Variants in DLG2 observed in about 807,000 individuals in gnomAD.
DLG2 encodes discs large MAGUK scaffold protein 2, also known as disks large homolog 2.
In DLG2, 45 loss-of-function variants were observed where a neutral mutation model predicts 132.5. That is an observed-to-expected ratio of 0.34 (90% CI 0.27 to 0.44). DLG2 has a LOEUF of 0.44. Ranked by LOEUF, DLG2 falls within the 20% of genes least tolerant of loss-of-function variation. The probability of loss-of-function intolerance (pLI) is 1.00; values close to 1 mark genes in which losing one functional copy is unlikely to be tolerated. For synonymous variants in DLG2, 424 were observed against 419.6 expected (o/e 1.01, Z -0.13); for missense variants, 1,045 against 1,196.9 (o/e 0.87, Z 1.87).
chr11:84,703,874 A>ATATATATATG (rs2059479568), intron 6 of DLG2, among the ~76,000 whole-genome samples: 1 of 124,292 alleles, frequency 8.0e-6, no homozygotes, highest in Admixed American at 7.9e-5. Flanking sequence ...ATATATATAT[A>ATATATATATG]TATATATATA....
chr11:85,036,387 T>C (rs1430385549), intron 6 of DLG2, among the ~76,000 whole-genome samples: 1 of 152,196 alleles, frequency 6.6e-6, no homozygotes, highest in Non-Finnish European at 1.5e-5. Flanking sequence ...ATTTCATCTG[T>C]CTGTTCACTG....
chr11:84,296,591 A>G (rs867981101), intron 7 of DLG2, among the ~76,000 whole-genome samples: 139 of 152,100 alleles, frequency 9.1e-4, no homozygotes, highest in African/African-American at 3.1e-3. Flanking sequence ...GGTGTATACC[A>G]CCATGCCTGG....
chr11:84,674,585 T>G (rs913296986), intron 6 of DLG2, among the ~76,000 whole-genome samples: 5 of 152,072 alleles, frequency 3.3e-5, no homozygotes, highest in African/African-American at 1.2e-4. Flanking sequence ...AAAACTGAAC[T>G]TCAATCATCA....
intron 11 of DLG2, among the ~76,000 whole-genome samples, chr11:84,004,942 AG>A: frequency 2.1e-5 from 1 of 48,736 alleles, no homozygotes; most frequent in African/African-American, 5.4e-5. Flanking sequence ...AAATTTATAT[AG>A]AATCAAAAAA....
chr11:85,159,786 A>G (rs1043739632), intron 4 of DLG2, among the ~76,000 whole-genome samples: 2 of 152,150 alleles, frequency 1.3e-5, no homozygotes, highest in Non-Finnish European at 2.9e-5. Flanking sequence ...TCAACAATAG[A>G]CCTTTACTGT....
intron 6 of DLG2, among the ~76,000 whole-genome samples, chr11:84,703,590 T>C (rs1262033673): frequency 1.3e-5 from 2 of 151,348 alleles, no homozygotes; most frequent in Non-Finnish European, 3.0e-5. Flanking sequence ...CACTAAACTA[T>C]AGTTTTCTCA....
intron 3 of DLG2, among the ~76,000 whole-genome samples, chr11:85,360,598 C>A (rs1354262928): frequency 1.3e-5 from 2 of 152,206 alleles, no homozygotes; most frequent in East Asian, 3.8e-4. Flanking sequence ...TTAGTTTGGT[C>A]TGATCTTCTC....
intron 6 of DLG2, among the ~76,000 whole-genome samples, chr11:84,858,544 A>T (rs372456483): frequency 1.3e-5 from 2 of 152,162 alleles, no homozygotes. Context: ...CAATTGTCTC[A>T]TATCTTATTT....
intron 7 of DLG2, among the ~76,000 whole-genome samples, chr11:84,427,341 C>A (rs972278379): frequency 1.3e-5 from 2 of 152,192 alleles, no homozygotes; most frequent in Non-Finnish European, 2.9e-5. Flanking sequence ...ATCATAAACC[C>A]ATGAAAAGGT....
At chr11:84,656,652 A>C (rs2099688661) in intron 6 of DLG2, among the ~76,000 whole-genome samples, 1 of 152,142 alleles carries the variant, frequency 6.6e-6, no homozygotes, top group Admixed American at 6.6e-5. Context: ...AACAATCTGG[A>C]CCATAATGGA....
chr11:83,493,151 T>C (rs2093954202), intron 21 of DLG2, among the ~76,000 whole-genome samples: 1 of 152,086 alleles, frequency 6.6e-6, no homozygotes, highest in African/African-American at 2.4e-5. Context: ...TCCTTGAATC[T>C]TGATTCAGGG....
intron 6 of DLG2, among the ~76,000 whole-genome samples, chr11:84,738,838 A>G (rs1183125530): frequency 1.3e-5 from 2 of 152,202 alleles, no homozygotes; most frequent in African/African-American, 4.8e-5. Flanking sequence ...TAATATCTCC[A>G]AATTGGAAGC....
At chr11:84,058,265 T>C (rs2096535806) in intron 11 of DLG2, among the ~76,000 whole-genome samples, 1 of 152,044 alleles carries the variant, frequency 6.6e-6, no homozygotes, top group African/African-American at 2.4e-5. Flanking sequence ...TAAATAATGT[T>C]AAGCTAATTA....
chr11:85,068,216 A>C (rs2065230172), intron 6 of DLG2, among the ~76,000 whole-genome samples: 1 of 152,118 alleles, frequency 6.6e-6, no homozygotes, highest in Non-Finnish European at 1.5e-5. Context: ...CAAAACCTGG[A>C]AGCATTCCCT....
chr11:83,859,902 C>T (rs1346498106), intron 16 of DLG2, among the ~76,000 whole-genome samples: 1 of 152,176 alleles, frequency 6.6e-6, no homozygotes, highest in Non-Finnish European at 1.5e-5. Context: ...GCCACTCCAA[C>T]CATGACTAAA....
chr11:84,876,069 CT>C (rs1235199795), intron 6 of DLG2, among the ~76,000 whole-genome samples: 1 of 152,140 alleles, frequency 6.6e-6, no homozygotes, highest in African/African-American at 2.4e-5. Flanking sequence ...GTTATTATTA[CT>C]GTTATTATTC....
At chr11:84,117,158 C>T (rs2093673237) in intron 9 of DLG2, among the ~76,000 whole-genome samples, 2 of 152,218 alleles carry the variant, frequency 1.3e-5, no homozygotes, top group Non-Finnish European at 2.9e-5. Flanking sequence ...ATGAAAGCAA[C>T]TGCTCCCACT....
chr11:85,495,352 C>T (rs973765702), intron 3 of DLG2, among the ~76,000 whole-genome samples: 2 of 152,112 alleles, frequency 1.3e-5, no homozygotes, highest in Non-Finnish European at 2.9e-5. Flanking sequence ...AGGCAACCTA[C>T]AGAATGGGAG....
At chr11:85,275,342 T>C (rs2077822632) in intron 4 of DLG2, among the ~76,000 whole-genome samples, 2 of 152,146 alleles carry the variant, frequency 1.3e-5, no homozygotes, top group African/African-American at 4.8e-5. Context: ...CCAGAACAGA[T>C]TTCAAAATAA....
Sources: allele counts gnomAD v4.1 joint callset (sites outside exome capture counted in the v4.1 genomes callset), GRCh38; gene constraint gnomAD v4.1.1; transcripts MANE v1.5; gene names NCBI Gene and HGNC (gene_info 2026-07-23, HGNC 2026-07-21).